CPNE4: variants seen among roughly 807,000 people sequenced by gnomAD.
CPNE4 encodes copine-4.
CPNE4 carries 25 observed loss-of-function variants against 67.9 expected under a neutral mutation model. The ratio of observed to expected loss-of-function variants is 0.37; its 90% CI spans 0.27 to 0.51. The LOEUF (loss-of-function observed/expected upper bound fraction) is 0.51, where lower values mean the gene tolerates loss of function less well. CPNE4 is among the 20% of genes least tolerant of loss of function. The probability of loss-of-function intolerance (pLI) is 0.93; values close to 1 mark genes in which losing one functional copy is unlikely to be tolerated. For missense variants in CPNE4, 464 were observed against 690.8 expected, an observed-to-expected ratio of 0.67 and a Z score of 3.68; for synonymous variants, 242 against 244.9, an observed-to-expected ratio of 0.99 and a Z score of 0.11.
At chr3:131,714,069 G>A (rs941866937) in intron 3 of CPNE4, among the ~76,000 whole-genome samples, 5 of 152,178 alleles carry the variant, frequency 3.3e-5, no homozygotes, top group African/African-American at 1.2e-4. Context: ...CTTCCCTGCT[G>A]TAATGTGTAA....
chr3:131,901,962 T>C (rs7640815), intron 2 of CPNE4, among the ~76,000 whole-genome samples: 67,186 of 151,922 alleles, frequency 0.44, 15,776 homozygotes, highest in African/African-American at 0.59. Flanking sequence ...GCAGAGTTCC[T>C]GTTGTTCATC....
chr3:131,995,809 G>A (rs570456892), intron 1 of CPNE4, among the ~76,000 whole-genome samples: 36 of 152,222 alleles, frequency 2.4e-4, no homozygotes, highest in African/African-American at 8.7e-4. Context: ...GTCCCTAAGA[G>A]AATCTCTATT....
intron 1 of CPNE4, among the ~76,000 whole-genome samples, chr3:131,959,351 T>C (rs2072098357): frequency 6.6e-6 from 1 of 151,892 alleles, no homozygotes; most frequent in South Asian, 2.1e-4. Flanking sequence ...GAGTTAATAA[T>C]AAGGACCCCT....
chr3:131,545,567 C>T, intron 14 of CPNE4, among the ~76,000 whole-genome samples: 1 of 152,088 alleles, frequency 6.6e-6, no homozygotes, highest in Non-Finnish European at 1.5e-5. Context: ...ACATATATTT[C>T]AATGTATTAT....
chr3:132,005,094 G>T (rs905064535), intron 1 of CPNE4, among the ~76,000 whole-genome samples: 2 of 151,662 alleles, frequency 1.3e-5, no homozygotes, highest in Non-Finnish European at 2.9e-5. Context: ...AACAGAAACA[G>T]CACCCAGTTG....
At chr3:131,712,742 G>A (rs2081590035) in intron 3 of CPNE4, among the ~76,000 whole-genome samples, 1 of 152,214 alleles carries the variant, frequency 6.6e-6, no homozygotes, top group Admixed American at 6.5e-5. Flanking sequence ...CTAGGACAAG[G>A]ACATACATTT....
chr3:131,651,076 G>A (rs774104470), intron 7 of CPNE4, among the ~76,000 whole-genome samples: 35 of 152,268 alleles, frequency 2.3e-4, no homozygotes, highest in Non-Finnish European at 4.9e-4. Context: ...GTTGAGGAAA[G>A]CATTAGAAAA....
In CPNE4 at chr3:131,959,245, C is replaced by T. The variant is rs1161408815; in HGVS notation, c.-1-53801G>A. 3.3e-5 allele frequency among the ~76,000 whole-genome samples: 2 copies of T among 61,316 alleles called. 1 individual carries two copies. The highest frequency in any genetic ancestry group is 6.2e-5 in the Non-Finnish European group (2 of 32,334). 40.2% of individuals were successfully genotyped at this position (61,316 alleles called of 152,430 possible). A position where few individuals can be genotyped will look rare whatever the true frequency, so the allele number is the denominator to read the frequency against. On this transcript the variant is annotated intron_variant, in intron 1 of 15. Coordinates refer to ENST00000429747, the MANE Select transcript of CPNE4 (RefSeq NM_130808.3). ...TCGATCTCCTGACCTCGTGATCCGC[C>T]CGCCTCGGCCTCCCAAAGTGCTGGG...
At chr3:131,890,653 A>G (rs555782004) in intron 2 of CPNE4, among the ~76,000 whole-genome samples, 1 of 152,314 alleles carries the variant, frequency 6.6e-6, no homozygotes, top group Admixed American at 6.5e-5. Context: ...TCTCATGTTC[A>G]TTGCAACATT....
In CPNE4 at chr3:131,702,572, C is replaced by T. The variant is rs1040845841; in HGVS notation, c.361-2592G>A. 4.6e-5 allele frequency among the ~76,000 whole-genome samples: 7 copies of T among 152,282 alleles called. No homozygotes were observed. The South Asian group carries it at 1.0e-3, about 23-fold the overall frequency. Reference sequence around the variant, plus strand: ...ATGTCCATTGTCATTGTGATTCATCCGCATTGGTCACCTACTCCCCTGATG... The same window carrying T: ...ATGTCCATTGTCATTGTGATTCATCTGCATTGGTCACCTACTCCCCTGATG... On this transcript the variant is annotated intron_variant, in intron 3 of 15. Transcript: ENST00000429747.
At chr3:131,700,529 A>G (rs1180475154) in intron 3 of CPNE4, among the ~76,000 whole-genome samples, 1 of 152,178 alleles carries the variant, frequency 6.6e-6, no homozygotes, top group East Asian at 1.9e-4. Context: ...ATGCCAATGC[A>G]CCTGCGCAAT....
Position 131,665,214 on chromosome 3 carries a change from GC to G in CPNE4, c.681+4460del, listed in dbSNP as rs531503191. ...TGTCTCTACAGAAAAATTAATCTCT[GC>G]CAGAATTAATGGGGAAACACTATAG... On this transcript the variant is annotated intron_variant, in intron 7 of 15. Coordinates refer to ENST00000429747, the MANE Select transcript of CPNE4 (RefSeq NM_130808.3). Among the ~76,000 whole-genome samples, 500 of 151,626 alleles carry G rather than the reference GC, an allele frequency of 3.3e-3. 3 individuals carry two copies. The highest frequency in any genetic ancestry group is 0.011 in the African/African-American group (453 of 41,334).
At position 131,724,234 on chromosome 3, in the gene CPNE4, C is replaced by T. The variant is rs530402690; in HGVS notation, c.181-609G>A. On this transcript the variant is annotated intron_variant, in intron 2 of 15. Transcript: ENST00000429747. ...AGAAAAACCATGAGAATAGATAAGACAATAACTGCCTTTGGTCTCGAGTAT... is the reference window on the plus strand; with the variant it reads ...AGAAAAACCATGAGAATAGATAAGATAATAACTGCCTTTGGTCTCGAGTAT... Among the ~76,000 whole-genome samples, 42 of 152,200 alleles carry T rather than the reference C, an allele frequency of 2.8e-4. 2 individuals are homozygous for T. In the South Asian group the frequency reaches 6.7e-3, roughly 24 times the overall value.
intron 2 of CPNE4, among the ~76,000 whole-genome samples, chr3:131,821,798 T>G (rs1197606637): frequency 6.6e-6 from 1 of 152,230 alleles, no homozygotes; most frequent in Admixed American, 6.5e-5. Flanking sequence ...TGTAGTCTTA[T>G]GCTGTCCAAA....
chr3:131,873,312 T>TA (rs2087295744), intron 2 of CPNE4, among the ~76,000 whole-genome samples: 1 of 152,314 alleles, frequency 6.6e-6, no homozygotes, highest in African/African-American at 2.4e-5. Flanking sequence ...TCTCTTAAAA[T>TA]AATGTGTGGT....
At chr3:131,574,007 T>A (rs1937466887) in intron 10 of CPNE4, among the ~76,000 whole-genome samples, 1 of 152,084 alleles carries the variant, frequency 6.6e-6, no homozygotes, top group South Asian at 2.1e-4. Context: ...GTTTAGTAAA[T>A]GACCATTTAT....
intron 1 of CPNE4, among the ~76,000 whole-genome samples, chr3:132,000,309 C>T (rs563655127): frequency 6.5e-4 from 99 of 152,006 alleles, no homozygotes; most frequent in African/African-American, 2.1e-3. Context: ...TATAAGTTCT[C>T]CCAGTCACAA....
At chr3:131,819,652 A>G (rs2084887587) in intron 2 of CPNE4, among the ~76,000 whole-genome samples, 2 of 152,244 alleles carry the variant, frequency 1.3e-5, no homozygotes, top group Admixed American at 6.5e-5. Context: ...CATAGCAACC[A>G]CGGTTGCCAA....
chr3:131,709,568 G>A (rs2081508922), intron 3 of CPNE4, among the ~76,000 whole-genome samples: 2 of 152,356 alleles, frequency 1.3e-5, no homozygotes, highest in African/African-American at 4.8e-5. Flanking sequence ...GTTGCAGACT[G>A]ACCAAAGCAT....
Sources: allele counts gnomAD v4.1 joint callset (sites outside exome capture counted in the v4.1 genomes callset), GRCh38; gene constraint gnomAD v4.1.1; transcripts MANE v1.5; gene names NCBI Gene and HGNC (gene_info 2026-07-23, HGNC 2026-07-21).